DTD1: variants seen among roughly 807,000 people sequenced by gnomAD.
The protein encoded by DTD1 is D-aminoacyl-tRNA deacylase 1.
A neutral mutation model predicts 25.6 loss-of-function variants in DTD1; 13 were observed. The observed-to-expected ratio is 0.51, with a 90% CI of 0.33 to 0.81. DTD1 has a LOEUF of 0.81. DTD1 is among the 30% of genes least tolerant of loss of function. DTD1 has a pLI of 0.02. For missense variants in DTD1, 193 were observed against 266.4 expected, an observed-to-expected ratio of 0.72 and a Z score of 1.92; for synonymous variants, 110 against 103.6, an observed-to-expected ratio of 1.06 and a Z score of -0.37.
intron 4 of DTD1, among the ~76,000 whole-genome samples, chr20:18,652,918 A>G (rs1159402768): frequency 2.0e-5 from 3 of 152,186 alleles, no homozygotes; most frequent in Non-Finnish European, 4.4e-5. Flanking sequence ...ATGTCTGTTT[A>G]GGGACTAAAT....
chr20:18,641,113 A>G (rs1227370318), intron 4 of DTD1, among the ~76,000 whole-genome samples: 2 of 152,160 alleles, frequency 1.3e-5, no homozygotes, highest in Non-Finnish European at 2.9e-5. Context: ...TGACTGGCTT[A>G]TGTCACTTAG....
chr20:18,594,909 A>G (rs2060603806), intron 2 of DTD1, among the ~76,000 whole-genome samples: 1 of 152,120 alleles, frequency 6.6e-6, no homozygotes, highest in African/African-American at 2.4e-5. Context: ...GGCTGTGGAG[A>G]GGGGGTAATG....
chr20:18,757,088 T>A (rs1431534749), intron 5 of DTD1, among the ~76,000 whole-genome samples: 2 of 152,028 alleles, frequency 1.3e-5, no homozygotes, highest in Non-Finnish European at 2.9e-5. Flanking sequence ...TATTGGTGTA[T>A]AAGAATGCTT....
chr20:18,695,637 C>G (rs1321573455), intron 4 of DTD1, among the ~76,000 whole-genome samples: 1 of 93,708 alleles, frequency 1.1e-5, no homozygotes, highest in Admixed American at 1.4e-4. Flanking sequence ...CTCTCTCTCT[C>G]TCCTTCTGCC....
chr20:18,759,801 G>A (rs60936778), intron 5 of DTD1, among the ~76,000 whole-genome samples: 10,779 of 152,238 alleles, frequency 0.071, 624 homozygotes, highest in East Asian at 0.27. Flanking sequence ...GATTGGGGAA[G>A]TTCTCCTGGA....
intron 4 of DTD1, among the ~76,000 whole-genome samples, chr20:18,733,297 G>A (rs1428156278): frequency 6.6e-6 from 1 of 152,322 alleles, no homozygotes; most frequent in South Asian, 2.1e-4. Context: ...CTCAGGCCTT[G>A]TGCCCGCCTG....
chr20:18,721,200 A>G (rs554679132), intron 4 of DTD1, among the ~76,000 whole-genome samples: 3 of 152,334 alleles, frequency 2.0e-5, no homozygotes, highest in South Asian at 4.1e-4. Context: ...GGTGACTGCT[A>G]TAAGTTTATT....
chr20:18,697,703 G>C (rs529103397), intron 4 of DTD1, among the ~76,000 whole-genome samples: 4 of 152,294 alleles, frequency 2.6e-5, no homozygotes, highest in African/African-American at 9.6e-5. Flanking sequence ...GTTTGTTTTT[G>C]AGACAGAGTC....
chr20:18,662,426 TG>T (rs796069423), intron 4 of DTD1, among the ~76,000 whole-genome samples: 9 of 151,362 alleles, frequency 5.9e-5, no homozygotes, highest in African/African-American at 9.7e-5. Context: ...CAGCTGGGGG[TG>T]GGGGGGAGAG....
chr20:18,631,111 G>A (rs2040586366), intron 4 of DTD1: 10 of 985,420 alleles, frequency 1.0e-5, no homozygotes, highest in Non-Finnish European at 1.2e-5. Context: ...GCTTTGCAGG[G>A]AAAGAAGCCA....
chr20:18,674,114 C>A (rs2060960830), intron 4 of DTD1, among the ~76,000 whole-genome samples: 2 of 152,004 alleles, frequency 1.3e-5, no homozygotes, highest in East Asian at 3.9e-4. Flanking sequence ...AATTTACTAA[C>A]TTGATTTGAT....
At chr20:18,653,443 A>G (rs1362165333) in intron 4 of DTD1, among the ~76,000 whole-genome samples, 4 of 152,176 alleles carry the variant, frequency 2.6e-5, no homozygotes, top group Non-Finnish European at 5.9e-5. Flanking sequence ...CTCAAATATT[A>G]GTCTAAAGTA....
chr20:18,722,847 C>T (rs1226580446), intron 4 of DTD1, among the ~76,000 whole-genome samples: 1 of 151,954 alleles, frequency 6.6e-6, no homozygotes, highest in East Asian at 1.9e-4. Context: ...TGGAGCATGC[C>T]CCAAATTTAT....
At chr20:18,605,884 A>G (rs1425536602) in intron 3 of DTD1, among the ~76,000 whole-genome samples, 4 of 150,468 alleles carry the variant, frequency 2.7e-5, no homozygotes, top group Non-Finnish European at 5.9e-5. Flanking sequence ...CTTCATGTCC[A>G]AAACACCAAA....
Position 18,649,463 on chromosome 20 carries a change from C to T in DTD1, c.477+21230C>T, listed in dbSNP as rs1444852968. Among the ~76,000 whole-genome samples the T allele has an allele frequency of 1.1e-4, 16 of 151,024 alleles. 1 individual carries two copies. Among genetic ancestry groups the T allele is most frequent in the South Asian group, 8.4e-4 (4 of 4,768 alleles). Reference sequence around the variant, plus strand: ...ACGCCATTCTCCTGCCTCAGCCTCCCGAGTAGCTGGCACTACAGGTGCCTG... The same window carrying T: ...ACGCCATTCTCCTGCCTCAGCCTCCTGAGTAGCTGGCACTACAGGTGCCTG... On this transcript the variant is annotated intron_variant, in intron 4 of 5. Transcript: ENST00000377452.
At chr20:18,738,551 C>T (rs2061265450) in intron 4 of DTD1, among the ~76,000 whole-genome samples, 3 of 152,178 alleles carry the variant, frequency 2.0e-5, no homozygotes, top group Admixed American at 6.5e-5. Context: ...TCCGAAGCTC[C>T]GTTTCCTCCC....
At chr20:18,729,155 C>T (rs2061232194) in intron 4 of DTD1, among the ~76,000 whole-genome samples, 1 of 152,214 alleles carries the variant, frequency 6.6e-6, no homozygotes, top group African/African-American at 2.4e-5. Context: ...AGGCATGTGC[C>T]ACCACGTCTG....
chr20:18,609,489 TTCTC>T (rs750284320), intron 3 of DTD1, among the ~76,000 whole-genome samples: 1 of 151,352 alleles, frequency 6.6e-6, no homozygotes, highest in African/African-American at 2.4e-5. Context: ...TGCTCTAACT[TTCTC>T]TCTCTGGATT....
chr20:18,631,314 A>G (rs1265249146), intron 4 of DTD1: 4 of 984,708 alleles, frequency 4.1e-6, no homozygotes, highest in East Asian at 1.1e-4. Context: ...GACATAGAGC[A>G]TAAAACGAAA....
Sources: allele counts gnomAD v4.1 joint callset (sites outside exome capture counted in the v4.1 genomes callset), GRCh38; gene constraint gnomAD v4.1.1; transcripts MANE v1.5; gene names NCBI Gene and HGNC (gene_info 2026-07-23, HGNC 2026-07-21).